TMEM178B: variants seen among roughly 807,000 people sequenced by gnomAD.
TMEM178B encodes transmembrane protein 178B.
Under a neutral mutation model 31.0 loss-of-function variants are expected in TMEM178B, and 5 were observed. That is an observed-to-expected ratio of 0.16 (90% CI 0.08 to 0.34). TMEM178B has a LOEUF of 0.34. Among genes scored for constraint, TMEM178B ranks in the 10% least tolerant of loss-of-function variants. TMEM178B has a pLI of 1.00. For missense variants in TMEM178B, 275 were observed against 400.3 expected (o/e 0.69, Z 2.67); for synonymous variants, 164 against 164.0 (o/e 1.00, Z 0.00).
intron 2 of TMEM178B, among the ~76,000 whole-genome samples, chr7:141,215,786 CTT>C (rs1342144327): frequency 1.1e-4 from 4 of 37,308 alleles, no homozygotes; most frequent in African/African-American, 4.6e-4. Flanking sequence ...TCCTTTCTTT[CTT>C]TCTTTCTTTC....
the TMEM178B span, among the ~76,000 whole-genome samples, chr7:141,486,907 C>A: frequency 4.7e-4 from 72 of 151,942 alleles, no homozygotes; most frequent in Non-Finnish European, 9.4e-4. Flanking sequence ...AGGTGCTAAG[C>A]GTGTGGTTTT....
intron 1 of TMEM178B, among the ~76,000 whole-genome samples, chr7:141,183,730 A>G (rs1451481347): frequency 6.6e-6 from 1 of 152,244 alleles, no homozygotes; most frequent in Non-Finnish European, 1.5e-5. Flanking sequence ...TGTGTTGTTC[A>G]TGATACCTAA....
At chr7:141,241,057 T>C (rs572916951) in intron 2 of TMEM178B, among the ~76,000 whole-genome samples, 5 of 151,922 alleles carry the variant, frequency 3.3e-5, no homozygotes, top group Admixed American at 3.3e-4. Flanking sequence ...TTTTTTGTTC[T>C]GTTACATGGA....
the TMEM178B span, among the ~76,000 whole-genome samples, chr7:141,495,190 C>A: frequency 2.6e-5 from 4 of 152,094 alleles, no homozygotes; most frequent in Admixed American, 1.3e-4. Context: ...GATTAAGAGA[C>A]CAGCTAAATA....
chr7:141,340,466 G>A (rs1799497655), intron 2 of TMEM178B, among the ~76,000 whole-genome samples: 1 of 152,210 alleles, frequency 6.6e-6, no homozygotes, highest in African/African-American at 2.4e-5. Context: ...ACATGTAGCT[G>A]TATTAATAAC....
At chr7:141,231,245 A>G (rs1044903466) in intron 2 of TMEM178B, among the ~76,000 whole-genome samples, 1 of 152,040 alleles carries the variant, frequency 6.6e-6, no homozygotes, top group South Asian at 2.1e-4. Context: ...GAATGAACAA[A>G]CAAAGCCTTC....
chr7:141,229,230 A>G (rs976980492), intron 2 of TMEM178B, among the ~76,000 whole-genome samples: 1 of 151,956 alleles, frequency 6.6e-6, no homozygotes, highest in African/African-American at 2.4e-5. Context: ...TTAAAATTCC[A>G]TGGACTCAGG....
At chr7:141,205,306 T>C (rs527538416) in intron 1 of TMEM178B, among the ~76,000 whole-genome samples, 12 of 152,232 alleles carry the variant, frequency 7.9e-5, no homozygotes, top group Non-Finnish European at 1.5e-4. Context: ...ACCCAACCTC[T>C]CCTAAATACA....
chr7:141,302,824 T>C (rs1317122629), intron 2 of TMEM178B, among the ~76,000 whole-genome samples: 2 of 152,220 alleles, frequency 1.3e-5, no homozygotes, highest in Non-Finnish European at 2.9e-5. Flanking sequence ...TCCTGACAGA[T>C]GCCCAGCATT....
At chr7:141,413,945 TG>T (rs959085952) in intron 2 of TMEM178B, among the ~76,000 whole-genome samples, 1 of 152,238 alleles carries the variant, frequency 6.6e-6, no homozygotes, top group African/African-American at 2.4e-5. Flanking sequence ...TATTTCCTTT[TG>T]GTCTTTTTTT....
intron 2 of TMEM178B, among the ~76,000 whole-genome samples, chr7:141,313,000 G>C (rs534609857): frequency 6.6e-6 from 1 of 152,302 alleles, no homozygotes; most frequent in East Asian, 1.9e-4. Context: ...ATGCCTAGCT[G>C]TCTGGGAATG....
intron 2 of TMEM178B, among the ~76,000 whole-genome samples, chr7:141,288,205 T>TC (rs869049087): frequency 7.1e-5 from 10 of 140,360 alleles, no homozygotes; most frequent in African/African-American, 2.6e-4. Context: ...CTTTTTTTTT[T>TC]TCCCCCTCTG....
intron 1 of TMEM178B, among the ~76,000 whole-genome samples, chr7:141,164,609 A>G (rs1796231183): frequency 6.6e-6 from 1 of 152,234 alleles, no homozygotes. Context: ...TAATTTTTAT[A>G]TCAGTGATAG....
chr7:141,169,300 G>A (rs1171244252), intron 1 of TMEM178B, among the ~76,000 whole-genome samples: 1 of 152,154 alleles, frequency 6.6e-6, no homozygotes, highest in Non-Finnish European at 1.5e-5. Context: ...GTGGTATTTG[G>A]TTTTCTGTTC....
intron 2 of TMEM178B, among the ~76,000 whole-genome samples, chr7:141,389,077 G>A (rs1310371890): frequency 6.6e-6 from 1 of 152,038 alleles, no homozygotes; most frequent in African/African-American, 2.4e-5. Context: ...CTAGGAACTG[G>A]GCCTTTTTGG....
intron 1 of TMEM178B, among the ~76,000 whole-genome samples, chr7:141,094,914 T>C (rs1794933297): frequency 6.6e-6 from 1 of 152,222 alleles, no homozygotes. Context: ...TGATGCAGAA[T>C]CAATTTCTTT....
intron 2 of TMEM178B, among the ~76,000 whole-genome samples, chr7:141,316,041 G>A (rs1342703444): frequency 6.6e-6 from 1 of 152,136 alleles, no homozygotes; most frequent in African/African-American, 2.4e-5. Context: ...TTTCCTTGAT[G>A]AGCCTGTGAG....
At chr7:141,507,045 T>C in the TMEM178B span, among the ~76,000 whole-genome samples, 1 of 152,196 alleles carries the variant, frequency 6.6e-6, no homozygotes, top group Non-Finnish European at 1.5e-5. Context: ...ACCATGGACT[T>C]GGGCGGCTCT....
At chr7:141,078,527 G>T (rs1794633064) in intron 1 of TMEM178B, among the ~76,000 whole-genome samples, 1 of 152,206 alleles carries the variant, frequency 6.6e-6, no homozygotes, top group Non-Finnish European at 1.5e-5. Flanking sequence ...CTAGGATGAA[G>T]AAATGCATAA....
Sources: allele counts gnomAD v4.1 joint callset (sites outside exome capture counted in the v4.1 genomes callset), GRCh38; gene constraint gnomAD v4.1.1; transcripts MANE v1.5; gene names NCBI Gene and HGNC (gene_info 2026-07-23, HGNC 2026-07-21).